DMD: variants seen among roughly 807,000 people sequenced by gnomAD.
DMD encodes mutant dystrophin.
In DMD, 63 loss-of-function variants were observed where a neutral mutation model predicts 330.1. The observed-to-expected ratio is 0.19, with a 90% CI of 0.16 to 0.24. The LOEUF is 0.24. Ranked by LOEUF, DMD falls within the 10% of genes least tolerant of loss-of-function variation. The probability of loss-of-function intolerance (pLI) is 1.00; values close to 1 mark genes in which losing one functional copy is unlikely to be tolerated. For synonymous variants in DMD, 1,223 were observed against 959.8 expected, an observed-to-expected ratio of 1.27 and a Z score of -5.07; for missense variants, 3,344 against 2,684.1, an observed-to-expected ratio of 1.25 and a Z score of -5.43.
At chrX:31,240,833 A>G (rs182254681) in intron 63 of DMD, among the ~76,000 whole-genome samples, 8 of 111,978 alleles carry the variant, frequency 7.1e-5, no homozygotes, top group African/African-American at 2.6e-4. Flanking sequence ...AAGGAAACCA[A>G]AGGCCTAAGA....
chrX:32,725,091 C>T (rs937650071), intron 7 of DMD, among the ~76,000 whole-genome samples: 3 of 111,415 alleles, frequency 2.7e-5, no homozygotes, highest in Non-Finnish European at 5.7e-5. Flanking sequence ...AGTATACAAT[C>T]CTAATCCTTG....
intron 60 of DMD, among the ~76,000 whole-genome samples, chrX:31,434,418 G>GCACACACACACACACACACA (rs10572572): frequency 1.3e-5 from 1 of 78,046 alleles, no homozygotes; most frequent in Non-Finnish European, 2.6e-5. Context: ...CAGCGCGCGC[G>GCACACACACACACACACACA]CACACACACA....
intron 44 of DMD, among the ~76,000 whole-genome samples, chrX:32,187,762 C>T (rs2096954094): frequency 9.0e-6 from 1 of 110,982 alleles, no homozygotes; most frequent in African/African-American, 3.3e-5. Context: ...TAAACCAAAA[C>T]CAGAATTATT....
chrX:32,831,808 G>C (rs2079178325), intron 4 of DMD, among the ~76,000 whole-genome samples: 1 of 109,904 alleles, frequency 9.1e-6, no homozygotes, highest in Non-Finnish European at 1.9e-5. Context: ...GAGAGAGATG[G>C]ATGTTTAGAG....
At chrX:32,650,321 T>C (rs2060064365) in intron 9 of DMD, among the ~76,000 whole-genome samples, 1 of 112,054 alleles carries the variant, frequency 8.9e-6, no homozygotes, top group Non-Finnish European at 1.9e-5. Context: ...TCAAGAACAT[T>C]TGCAAATTTT....
At chrX:32,193,890 T>A (rs1354681148) in intron 44 of DMD, among the ~76,000 whole-genome samples, 1 of 111,744 alleles carries the variant, frequency 8.9e-6, no homozygotes, top group Non-Finnish European at 1.9e-5. Context: ...ACCCACATCA[T>A]TGATAATTGG....
At chrX:32,439,887 G>A (rs961667810) in intron 28 of DMD, among the ~76,000 whole-genome samples, 33 of 111,433 alleles carry the variant, frequency 3.0e-4, no homozygotes, top group Non-Finnish European at 4.9e-4. Context: ...CTGCTTGTCT[G>A]TGTTGTGGGC....
intron 44 of DMD, among the ~76,000 whole-genome samples, chrX:31,979,438 T>G (rs1299194622): frequency 8.9e-6 from 1 of 112,225 alleles, no homozygotes; most frequent in Non-Finnish European, 1.9e-5. Flanking sequence ...GTCTCCACTA[T>G]GCTCATCAGT....
intron 44 of DMD, among the ~76,000 whole-genome samples, chrX:32,042,130 C>T (rs2096012926): frequency 1.2e-5 from 1 of 81,972 alleles, no homozygotes; most frequent in Admixed American, 1.4e-4. Context: ...CATATGTATA[C>T]ATATATACAT....
rs140809054 is a variant in DMD at position 33,260,343 on chromosome X, G to A, written c.7+78916C>T. 5.4e-5 allele frequency among the ~76,000 whole-genome samples: 6 copies of A among 110,952 alleles called. No individual in the cohort carries two copies. The East Asian group carries it at 1.7e-3, about 31-fold the overall frequency. ...TTAAAAAAATTCTTCAAGAATCAGC[G>A]ACACACTCCTAAAATCCAAATACTG... On this transcript the variant is annotated intron_variant, in intron 1 of 17. Transcript: ENST00000288447.
intron 44 of DMD, among the ~76,000 whole-genome samples, chrX:32,033,995 T>A (rs6631465): frequency 0.36 from 39,800 of 109,775 alleles, 5,573 homozygotes; most frequent in African/African-American, 0.51. Context: ...GTATGAGGAG[T>A]GAGAAGCTTT....
At chrX:32,331,452 C>T (rs2148722887) in intron 41 of DMD, among the ~76,000 whole-genome samples, 1 of 111,497 alleles carries the variant, frequency 9.0e-6, no homozygotes, top group East Asian at 2.8e-4. Context: ...TAATTCATCA[C>T]TTCATTTTGT....
At chrX:33,315,391 G>A (rs2053918808) in intron 1 of DMD, among the ~76,000 whole-genome samples, 1 of 111,899 alleles carries the variant, frequency 8.9e-6, no homozygotes, top group South Asian at 3.8e-4. Context: ...GTATCAGTTT[G>A]AACTCTGGAG....
intron 2 of DMD, among the ~76,000 whole-genome samples, chrX:32,862,140 A>G (rs759471491): frequency 1.8e-5 from 2 of 112,291 alleles, no homozygotes; most frequent in South Asian, 7.4e-4. Flanking sequence ...TACCAAAAAA[A>G]GCACGAAAAT....
chrX:32,048,519 A>G (rs1424594225), intron 44 of DMD, among the ~76,000 whole-genome samples: 1 of 109,370 alleles, frequency 9.1e-6, no homozygotes, highest in Non-Finnish European at 1.9e-5. Flanking sequence ...TCATTCCTTG[A>G]CTTGATTTAG....
chrX:32,773,112 G>C (rs1215270684), intron 7 of DMD, among the ~76,000 whole-genome samples: 1 of 111,984 alleles, frequency 8.9e-6, no homozygotes, highest in Non-Finnish European at 1.9e-5. Flanking sequence ...AATTTAACAA[G>C]CTCAGCTTTG....
At chrX:32,123,225 A>ATATATTATATTTATATATATAT (rs2096645713) in intron 44 of DMD, among the ~76,000 whole-genome samples, 1 of 86,643 alleles carries the variant, frequency 1.2e-5, no homozygotes, top group Non-Finnish European at 2.2e-5. Context: ...ATATATATAT[A>ATATATTATATTTATATATATAT]TATATATATA....
intron 1 of DMD, among the ~76,000 whole-genome samples, chrX:33,155,169 TCTC>T (rs1356435967): frequency 8.9e-6 from 1 of 111,747 alleles, no homozygotes; most frequent in Admixed American, 9.5e-5. Flanking sequence ...CCTCTCTTCT[TCTC>T]TGAAAAATGA....
At chrX:31,420,211 T>C (rs1267828854) in intron 60 of DMD, among the ~76,000 whole-genome samples, 1 of 112,527 alleles carries the variant, frequency 8.9e-6, no homozygotes, top group Non-Finnish European at 1.9e-5. Context: ...TTTTGGAAAA[T>C]AAGCTCAATA....
Sources: gnomAD v4.1 joint callset for allele counts (sites outside exome capture counted in the v4.1 genomes callset) on GRCh38, gnomAD v4.1.1 for gene constraint, MANE v1.5 for transcripts, NCBI Gene and HGNC (gene_info 2026-07-23, HGNC 2026-07-21) for gene names.